The following TSHZ2 variants were observed in gnomAD, a reference collection of about 807,000 sequenced individuals.
TSHZ2 encodes teashirt homolog 2.
In TSHZ2, 21 loss-of-function variants were observed where a neutral mutation model predicts 74.4. The observed-to-expected ratio is 0.28, with a 90% CI of 0.20 to 0.41. TSHZ2 has a LOEUF of 0.41. TSHZ2 is among the 10% of genes least tolerant of loss of function. TSHZ2 has a pLI of 1.00. For missense variants in TSHZ2, 1,244 were observed against 1,293.5 expected, an observed-to-expected ratio of 0.96 and a Z score of 0.59; for synonymous variants, 540 against 515.3, an observed-to-expected ratio of 1.05 and a Z score of -0.65.
At chr20:53,056,368 T>C (rs1164146935) in intron 1 of TSHZ2, among the ~76,000 whole-genome samples, 4 of 152,198 alleles carry the variant, frequency 2.6e-5, no homozygotes, top group Non-Finnish European at 5.9e-5. Flanking sequence ...TTGAACTGGA[T>C]GAGGAAAAGC....
At chr20:53,108,381 A>G (rs543921253) in intron 1 of TSHZ2, among the ~76,000 whole-genome samples, 36 of 152,370 alleles carry the variant, frequency 2.4e-4, no homozygotes, top group Non-Finnish European at 4.1e-4. Context: ...TTTTTAAATG[A>G]AAGGCTTGTA....
chr20:53,291,413 C>T (rs1600793040), intron 2 of TSHZ2, among the ~76,000 whole-genome samples: 1 of 147,442 alleles, frequency 6.8e-6, no homozygotes, highest in East Asian at 2.0e-4. Flanking sequence ...GTGGAGGCTG[C>T]AGTGAGCTGA....
intron 1 of TSHZ2, among the ~76,000 whole-genome samples, chr20:53,110,548 C>G (rs954568603): frequency 6.6e-6 from 1 of 151,950 alleles, no homozygotes; most frequent in Non-Finnish European, 1.5e-5. Context: ...TATAAGAAGA[C>G]TCTAGTTACA....
chr20:53,246,451 TGAG>T (rs929315959), intron 1 of TSHZ2, among the ~76,000 whole-genome samples: 2 of 152,184 alleles, frequency 1.3e-5, no homozygotes, highest in Non-Finnish European at 2.9e-5. Flanking sequence ...CCTTCACAAC[TGAG>T]AACGGATTTT....
At position 53,254,584 on chromosome 20, in the gene TSHZ2, A is replaced by G; in HGVS notation, c.1126A>G (p.Lys376Glu). 5 of 1,612,538 alleles carry G rather than the reference A, an allele frequency of 3.1e-6. No homozygotes were observed. Among genetic ancestry groups the G allele is most frequent in the Non-Finnish European group, 3.4e-6 (4 of 1,178,634 alleles). ...ASYTWQFEAC[K>E]SQILKCMECG... is the part of the protein sequence containing the mutation. ...CTACACCTGGCAGTTTGAGGCCTGC[A>G]AGTCCCAGATCTTAAAGTGCATGGA... Residue 376 changes from lysine (K) to glutamate (E), a missense_variant, in exon 2 of 3, where the codon AAG (lysine) becomes GAG (glutamate). Around this residue, in one of 6 missense-constraint regions of TSHZ2, gnomAD observed 470 missense variants for 456.5 expected, o/e 1.03. Coordinates refer to ENST00000371497, the MANE Select transcript of TSHZ2 (RefSeq NM_173485.6).
At chr20:53,144,055 C>T (rs1378100629) in intron 1 of TSHZ2, among the ~76,000 whole-genome samples, 1 of 152,016 alleles carries the variant, frequency 6.6e-6, no homozygotes, top group Non-Finnish European at 1.5e-5. Context: ...GGGTGGAGGC[C>T]ACAAGACCAG....
intron 2 of TSHZ2, among the ~76,000 whole-genome samples, chr20:53,392,445 AAAAC>A (rs1425531935): frequency 6.6e-6 from 1 of 152,234 alleles, no homozygotes; most frequent in East Asian, 1.9e-4. Context: ...CTCTGTCTCA[AAAAC>A]AAACAAAAAA....
chr20:53,400,469 T>C (rs1199854499), intron 2 of TSHZ2: 1 of 152,292 alleles, frequency 6.6e-6, no homozygotes, highest in East Asian at 1.9e-4. Flanking sequence ...CATCGCCTCC[T>C]TTAGTCCTCA....
intron 1 of TSHZ2, among the ~76,000 whole-genome samples, chr20:53,238,258 G>C (rs756938577): frequency 6.6e-6 from 1 of 152,158 alleles, no homozygotes; most frequent in Non-Finnish European, 1.5e-5. Context: ...TGGGGTCTTT[G>C]ATTGCAAGCG....
At chr20:53,229,104 C>T (rs370470994) in intron 1 of TSHZ2, among the ~76,000 whole-genome samples, 1 of 152,146 alleles carries the variant, frequency 6.6e-6, no homozygotes, top group African/African-American at 2.4e-5. Flanking sequence ...TCACTGAAAC[C>T]TCTAGAAACG....
chr20:53,117,899 T>C (rs552367504), intron 1 of TSHZ2, among the ~76,000 whole-genome samples: 1 of 152,320 alleles, frequency 6.6e-6, no homozygotes, highest in African/African-American at 2.4e-5. Context: ...GTCTCTCCAT[T>C]ACTAAATGAC....
rs1341683540 is a variant in TSHZ2 at position 53,318,456 on chromosome 20, G to A, written c.*8+61885G>A. On this transcript the variant is annotated intron_variant, in intron 2 of 2. Transcript: ENST00000371497. The stretch of plus-strand genomic sequence containing the variant: ...TCAGGGCCTGGCAATTAAGACAATT[G>A]TTTCATCTTGTGTGATGATGTGAAG... Among the ~76,000 whole-genome samples, 4 of 152,132 alleles carry A rather than the reference G, an allele frequency of 2.6e-5. No homozygotes were observed. The East Asian group carries it at 7.7e-4, about 29-fold the overall frequency.
intron 2 of TSHZ2, among the ~76,000 whole-genome samples, chr20:53,436,079 C>T (rs570428921): frequency 7.2e-5 from 11 of 152,276 alleles, no homozygotes; most frequent in Middle Eastern, 3.4e-3. Context: ...GATCATCAGG[C>T]GTAGTGCAGT....
At chr20:53,156,276 A>G (rs1409768305) in intron 1 of TSHZ2, among the ~76,000 whole-genome samples, 2 of 152,088 alleles carry the variant, frequency 1.3e-5, no homozygotes, top group African/African-American at 2.4e-5. Context: ...TTAAGAAAAC[A>G]TATGTCTCTG....
chr20:53,205,904 G>T (rs866614532), intron 1 of TSHZ2, among the ~76,000 whole-genome samples: 5 of 152,128 alleles, frequency 3.3e-5, no homozygotes, highest in Admixed American at 2.6e-4. Flanking sequence ...ATTCTTTAAG[G>T]CTTAGTTCCC....
Position 53,307,295 on chromosome 20 carries a change from G to A in TSHZ2, c.*8+50724G>A, listed in dbSNP as rs1374693710. On this transcript the variant is annotated intron_variant, in intron 2 of 2. Coordinates refer to ENST00000371497, the MANE Select transcript of TSHZ2 (RefSeq NM_173485.6). ...TCCATCCCACCATCTGCTCTTCCAA[G>A]TACAAAAGAGCTGACCCAAACCCAA... Among the ~76,000 whole-genome samples the A allele has an allele frequency of 2.7e-5, 4 of 149,208 alleles. No homozygotes were observed. The East Asian group carries it at 7.7e-4, about 29-fold the overall frequency.
intron 2 of TSHZ2, among the ~76,000 whole-genome samples, chr20:53,463,829 A>T (rs1985477007): frequency 2.0e-5 from 3 of 152,194 alleles, no homozygotes. Flanking sequence ...ATTAGGTGTG[A>T]ACTTGGTCAA....
chr20:52,992,258 T>C (rs1390982315), intron 1 of TSHZ2, among the ~76,000 whole-genome samples: 1 of 152,204 alleles, frequency 6.6e-6, no homozygotes, highest in Non-Finnish European at 1.5e-5. Flanking sequence ...CATGAATGTA[T>C]GAATGAATGA....
At chr20:53,173,954 G>A (rs1193911559) in intron 1 of TSHZ2, among the ~76,000 whole-genome samples, 1 of 152,040 alleles carries the variant, frequency 6.6e-6, no homozygotes, top group Non-Finnish European at 1.5e-5. Context: ...ATTTTAGATA[G>A]AACTTCAAAG....
Sources: allele counts gnomAD v4.1 joint callset (sites outside exome capture counted in the v4.1 genomes callset), GRCh38; gene constraint gnomAD v4.1.1; regional missense constraint gnomAD v4.1.1; transcripts MANE v1.5; gene names NCBI Gene and HGNC (gene_info 2026-07-23, HGNC 2026-07-21).